EPB41: variants seen among roughly 807,000 people sequenced by gnomAD.
EPB41 encodes the protein protein 4.1.
In EPB41, 65 loss-of-function variants were observed where a neutral mutation model predicts 108.0. The observed-to-expected ratio is 0.60, with a 90% confidence interval of 0.49 to 0.74. The LOEUF is 0.74. EPB41 is among the 30% of genes least tolerant of loss of function. The pLI is 0.00. For missense variants in EPB41, 875 were observed against 1,037.0 expected (o/e 0.84, Z 2.15); for synonymous variants, 336 against 358.9 (o/e 0.94, Z 0.72).
chr1:28,890,551 G>C (rs2090007893), intron 1 of EPB41, among the ~76,000 whole-genome samples: 1 of 152,174 alleles, frequency 6.6e-6, no homozygotes, highest in Non-Finnish European at 1.5e-5. Flanking sequence ...TGAGGGGATA[G>C]GATGGAGCAA....
chr1:28,998,035 A>G (rs1308063596), intron 4 of EPB41, among the ~76,000 whole-genome samples: 1 of 152,212 alleles, frequency 6.6e-6, no homozygotes, highest in Non-Finnish European at 1.5e-5. Context: ...ACTAGATGAT[A>G]TGGATGCAGC....
At chr1:28,936,744 A>G (rs1464739984) in intron 1 of EPB41, among the ~76,000 whole-genome samples, 5 of 152,250 alleles carry the variant, frequency 3.3e-5, no homozygotes, top group Admixed American at 1.3e-4. Context: ...GTATGGCTGA[A>G]TAATATTCCA....
intron 8 of EPB41, among the ~76,000 whole-genome samples, chr1:29,030,989 A>G (rs2096782402): frequency 6.6e-6 from 1 of 151,798 alleles, no homozygotes; most frequent in Non-Finnish European, 1.5e-5. Flanking sequence ...CGCCTGGCTA[A>G]TTTTTGTATT....
rs537380392 is a variant in EPB41, at chr1:29,085,701, C to T, written c.2185-12106C>T. Among the ~76,000 whole-genome samples, 6 of 152,208 alleles carry T rather than the reference C, an allele frequency of 3.9e-5. No homozygotes were observed. In the South Asian group the frequency reaches 1.2e-3, roughly 32 times the overall value. On this transcript the variant is annotated intron_variant, in intron 16 of 20. Transcript: ENST00000343067. ...TAGTGGCTGGGAATATAGGCATACA[C>T]CACCACACCTGGCTAATTTTTTGTA...
intron 17 of EPB41, among the ~76,000 whole-genome samples, chr1:29,101,277 A>G (rs1421693884): frequency 2.6e-5 from 4 of 152,196 alleles, no homozygotes; most frequent in South Asian, 4.1e-4. Context: ...TCCTAGCTCA[A>G]TCAGGTAGGT....
At chr1:28,950,600 AGGCCAAAG>A (rs1423178969) in intron 1 of EPB41, among the ~76,000 whole-genome samples, 1 of 152,252 alleles carries the variant, frequency 6.6e-6, no homozygotes, top group Non-Finnish European at 1.5e-5. Context: ...GAAAGGCAGA[AGGCCAAAG>A]GGCCTCCCCT....
intron 19 of EPB41, 56 bp downstream of exon 19, chr1:29,112,504 T>G (rs4654390): frequency 2.1e-6 from 3 of 1,426,046 alleles, no homozygotes; most frequent in African/African-American, 1.4e-5. Flanking sequence ...GGAAGACCGA[T>G]GAATACAGGA....
intron 1 of EPB41, among the ~76,000 whole-genome samples, chr1:28,899,202 T>C (rs1488912434): frequency 6.6e-6 from 1 of 152,192 alleles, no homozygotes; most frequent in African/African-American, 2.4e-5. Flanking sequence ...TTTTCTGCAC[T>C]GTAGAGTGGC....
At chr1:29,082,962 T>C (rs1010324760) in intron 16 of EPB41, among the ~76,000 whole-genome samples, 10 of 152,320 alleles carry the variant, frequency 6.6e-5, no homozygotes, top group Middle Eastern at 6.8e-3. Flanking sequence ...AGAGGCTGCA[T>C]TGTGGAATTA....
At chr1:29,013,499 T>C (rs2096535542) in intron 5 of EPB41, among the ~76,000 whole-genome samples, 1 of 152,124 alleles carries the variant, frequency 6.6e-6, no homozygotes, top group Admixed American at 6.5e-5. Flanking sequence ...TGGGGGTTTT[T>C]TAAATTTTGT....
Position 28,935,801 on chromosome 1 carries a change from C to T in EPB41, c.-8+21033C>T, listed in dbSNP as rs534572714. Among the ~76,000 whole-genome samples, 4 of 151,704 alleles carry T rather than the reference C, an allele frequency of 2.6e-5. No individual in the cohort carries two copies. The South Asian group carries it at 8.4e-4, about 32-fold the overall frequency. ...GGGCGTGGTGGCACATGCCTGTAAT[C>T]CCAGCTACTCGGGAGGCTGAGGCAG... On this transcript the variant is annotated intron_variant, in intron 1 of 20. Coordinates refer to ENST00000343067, the MANE Select transcript of EPB41 (RefSeq NM_001376013.1).
intron 1 of EPB41, among the ~76,000 whole-genome samples, chr1:28,973,095 T>C (rs1455437313): frequency 6.6e-6 from 1 of 152,180 alleles, no homozygotes; most frequent in Non-Finnish European, 1.5e-5. Flanking sequence ...TTTGGGGGAT[T>C]GATTTTTATC....
intron 12 of EPB41, among the ~76,000 whole-genome samples, chr1:29,054,802 G>A (rs111786939): frequency 2.0e-5 from 3 of 152,104 alleles, no homozygotes; most frequent in Admixed American, 6.6e-5. Flanking sequence ...TCAGTGCACC[G>A]AGATCGCCCA....
intron 17 of EPB41, among the ~76,000 whole-genome samples, chr1:29,101,901 A>C (rs897409389): frequency 2.0e-5 from 3 of 152,148 alleles, no homozygotes; most frequent in Admixed American, 2.0e-4. Context: ...ACCTGTATCA[A>C]AAAAACAAAA....
chr1:28,915,561 G>A (rs1354420748), intron 1 of EPB41, among the ~76,000 whole-genome samples: 2 of 152,096 alleles, frequency 1.3e-5, no homozygotes, highest in Non-Finnish European at 2.9e-5. Context: ...ACGTGAAACA[G>A]ATTGCTGATG....
rs546392502 is a variant in EPB41 at position 29,053,623 on chromosome 1, G to A, written c.1845+311G>A. 3.8e-5 allele frequency: 10 copies of A among 264,090 alleles called. No homozygotes were observed. In the East Asian group the frequency reaches 8.1e-4, roughly 21 times the overall value. 16.4% of individuals were successfully genotyped at this position (264,090 alleles called of 1,614,324 possible). ...CACCCAGGCTGGAGTGCAGTGGTGC[G>A]ATCTTGGCTCACTGCAAACTCCGCC... On this transcript the variant is annotated intron_variant, in intron 12 of 20. Transcript: ENST00000343067.
intron 16 of EPB41, among the ~76,000 whole-genome samples, chr1:29,080,118 T>TTATTTATTTATG (rs1288485306): frequency 1.3e-5 from 2 of 151,020 alleles, no homozygotes; most frequent in African/African-American, 4.9e-5. Flanking sequence ...ATTTATTTAT[T>TTATTTATTTATG]TATTTATTTA....
Position 29,018,594 on chromosome 1 carries a change from C to T in EPB41, c.1124+152C>T. The T allele has an allele frequency of 1.3e-6, 1 of 778,472 alleles. No individual in the cohort carries two copies. Among genetic ancestry groups the T allele is most frequent in the African/African-American group, 1.7e-5 (1 of 58,284 alleles). 48.2% of individuals were successfully genotyped at this position (778,472 alleles called of 1,614,324 possible). ...TTTGACTTTGGGCAGGTTACTTAAC[C>T]TCTCTTAATCTAAGCTTTCTCATCA... On this transcript the variant is annotated intron_variant, in intron 7 of 20. Transcript: ENST00000343067. This position sits in a 1 kb window ranked among gnomAD's most constrained non-coding sequence, Gnocchi z 4.4.
chr1:28,961,666 A>G (rs879839249), intron 1 of EPB41, among the ~76,000 whole-genome samples: 2 of 152,250 alleles, frequency 1.3e-5, no homozygotes, highest in Non-Finnish European at 2.9e-5. Flanking sequence ...AATATGTAAT[A>G]CATTTCTCAG....
Sources: allele counts gnomAD v4.1 joint callset (sites outside exome capture counted in the v4.1 genomes callset), GRCh38; gene constraint gnomAD v4.1.1; non-coding constraint Gnocchi (gnomAD v3.1); transcripts MANE v1.5; gene names NCBI Gene and HGNC (gene_info 2026-07-23, HGNC 2026-07-21).